Variants in BTD observed in about 807,000 individuals in gnomAD.
BTD encodes biotinidase, also known as biocytinase.
In BTD, 13 loss-of-function variants were observed where a neutral mutation model predicts 17.7. The ratio of observed to expected loss-of-function variants is 0.74; its 90% confidence interval spans 0.48 to 1.17. The LOEUF (loss-of-function observed/expected upper bound fraction) is 1.17, where lower values mean the gene tolerates loss of function less well. Among genes scored for constraint, BTD ranks in the 50% most tolerant of loss-of-function variants. BTD has a pLI of 0.00. For missense variants in BTD, 674 were observed against 650.4 expected (o/e 1.04, Z -0.39); for synonymous variants, 240 against 245.2 (o/e 0.98, Z 0.20).
intron 1 of BTD, among the ~76,000 whole-genome samples, chr3:15,604,447 G>T (rs1272394003): frequency 6.6e-6 from 1 of 152,244 alleles, no homozygotes; most frequent in Non-Finnish European, 1.5e-5. Flanking sequence ...CCTGACCCAT[G>T]AAACCATTTT....
At chr3:15,688,227 G>C (rs1652451823) in intron 3 of BTD, among the ~76,000 whole-genome samples, 1 of 152,144 alleles carries the variant, frequency 6.6e-6, no homozygotes, top group South Asian at 2.1e-4. Flanking sequence ...AATTTTTCTA[G>C]CTATAGATTA....
chr3:15,651,425 A>G lies in BTD; in HGVS notation c.*5937A>G, dbSNP rs2125527384. ...TAGGGGAACCCAGAAAGGATAATGC[A>G]CTACCCAGCGGCCAGCGACAGCAGG... On this transcript the variant is annotated 3_prime_UTR_variant, in exon 4 of 4. Coordinates refer to ENST00000643237, the MANE Select transcript of BTD (RefSeq NM_001370658.1). 6.6e-6 allele frequency among the ~76,000 whole-genome samples: 1 copy of G among 152,360 alleles called. No homozygotes were observed. The highest frequency in any genetic ancestry group is 2.1e-4 in the South Asian group (1 of 4,830).
chr3:15,674,174 C>CAAAAAA (rs34806568), intron 3 of BTD, among the ~76,000 whole-genome samples: 10,017 of 40,170 alleles, frequency 0.25, 2,739 homozygotes, highest in Admixed American at 0.31. Context: ...CCTGCCTCTT[C>CAAAAAA]AAAAAAAAAA....
At chr3:15,601,687 G>C, upstream of BTD, 1 of 1,556,298 alleles carries the variant, frequency 6.4e-7, no homozygotes, top group Non-Finnish European at 8.7e-7. Flanking sequence ...TCAGAACTGC[G>C]CTCTCTTCTC....
rs1255825580 is a variant in BTD at position 15,646,829 on chromosome 3, G to A, written c.*1341G>A. On this transcript the variant is annotated 3_prime_UTR_variant, in exon 4 of 4. Transcript: ENST00000643237. Reference sequence around the variant, plus strand: ...AATGATCTCCCTATTCCCCCACGGTGTAGGCCTCCAGATCCTTTTCTGGCT... The same window carrying A: ...AATGATCTCCCTATTCCCCCACGGTATAGGCCTCCAGATCCTTTTCTGGCT... 1 of 152,228 alleles carries A rather than the reference G, an allele frequency of 6.6e-6. No individual in the cohort carries two copies. The highest frequency in any genetic ancestry group is 1.5e-5 in the Non-Finnish European group (1 of 68,050). The allele number at this position is 152,228 out of a possible 1,614,324, so 9.4% of individuals were successfully genotyped here. A position where few individuals can be genotyped will look rare whatever the true frequency, so the allele number is the denominator to read the frequency against.
chr3:15,689,543 T>C (rs1042113186), intron 3 of BTD, among the ~76,000 whole-genome samples: 1 of 152,240 alleles, frequency 6.6e-6, no homozygotes, highest in African/African-American at 2.4e-5. Context: ...TTACATCTTT[T>C]GTGCAGAGGA....
chr3:15,711,948 G>A (rs193056875), exon 4 of BTD, among the ~76,000 whole-genome samples: 2 of 151,490 alleles, frequency 1.3e-5, no homozygotes, highest in African/African-American at 2.4e-5. Flanking sequence ...TGCCTGTCTC[G>A]GCCTCCCAAA....
intron 1 of BTD, among the ~76,000 whole-genome samples, chr3:15,624,487 C>A (rs756956916): frequency 6.6e-6 from 1 of 152,094 alleles, no homozygotes; most frequent in Non-Finnish European, 1.5e-5. Context: ...TCAGCCATGT[C>A]CAATCTACTA....
intron 4 of BTD, among the ~76,000 whole-genome samples, chr3:15,720,704 T>C (rs1342235436): frequency 2.0e-5 from 3 of 152,074 alleles, no homozygotes; most frequent in Non-Finnish European, 4.4e-5. Context: ...GAACCCCATA[T>C]AAATGGAATT....
chr3:15,714,603 G>C, downstream of BTD: 2 of 1,597,428 alleles, frequency 1.3e-6, no homozygotes, highest in Non-Finnish European at 8.5e-7. Flanking sequence ...TTTGTGATCG[G>C]GAGAATCTAC....
At chr3:15,671,492 C>T (rs557471700) in intron 3 of BTD, among the ~76,000 whole-genome samples, 7 of 152,122 alleles carry the variant, frequency 4.6e-5, no homozygotes, top group Non-Finnish European at 1.0e-4. Flanking sequence ...AGTCGTTACA[C>T]CTTTCTTCTT....
In BTD at chr3:15,711,200, T is replaced by C. The variant is rs368471964; in HGVS notation, c.*1126T>C. On this transcript the variant is annotated 3_prime_UTR_variant, in exon 4 of 4. Transcript: ENST00000672141. ...TCTTTTCTTAAAGAAATAAAAATAC[T>C]ATTAACATACCCTCCAGCTGCAGCT... 3.1e-6 allele frequency: 5 copies of C among 1,604,200 alleles called. No individual in the cohort carries two copies. In the African/African-American group the frequency reaches 5.4e-5, roughly 17 times the overall value.
At position 15,679,427 on chromosome 3, in the gene BTD, A is replaced by G. The variant is rs753779250; in HGVS notation, c.400-30633A>G. 14 of 1,612,512 alleles carry G rather than the reference A, an allele frequency of 8.7e-6. No homozygotes were observed. The African/African-American group carries it at 1.5e-4, about 17-fold the overall frequency. On this transcript the variant is annotated intron_variant, in intron 3 of 3. Transcript: ENST00000672141. ...GTGATCATTCTCACAGCAATGGTGTATTTCTTAAAACACTCAAACCAAATC... is the reference window on the plus strand; with the variant it reads ...GTGATCATTCTCACAGCAATGGTGTGTTTCTTAAAACACTCAAACCAAATC...
chr3:15,636,047 T>C (rs741747), intron 2 of BTD, among the ~76,000 whole-genome samples: 37,060 of 151,740 alleles, frequency 0.24, 7,305 homozygotes, highest in African/African-American at 0.52. Flanking sequence ...AATCACGAGG[T>C]AAGTGGTAAA....
upstream of BTD, chr3:15,601,505 A>C: frequency 1.2e-6 from 2 of 1,609,922 alleles, no homozygotes; most frequent in Non-Finnish European, 8.5e-7. Flanking sequence ...GCCGGCAAAC[A>C]AGCGGAATCA....
chr3:15,670,147 A>G (rs888121332), intron 3 of BTD: 7 of 1,110,774 alleles, frequency 6.3e-6, no homozygotes, highest in Middle Eastern at 2.8e-4. Context: ...CAGATCTCTT[A>G]ACATTGGCTC....
intron 3 of BTD, among the ~76,000 whole-genome samples, chr3:15,643,027 C>CAAA (rs200265982): frequency 1.8e-4 from 18 of 99,266 alleles, no homozygotes; most frequent in Admixed American, 7.5e-4. Flanking sequence ...AACTCTGCCT[C>CAAA]AAAAAAAAAA....
At chr3:15,669,195 T>C (rs1466659819) in intron 3 of BTD, 1 of 152,232 alleles carries the variant, frequency 6.6e-6, no homozygotes, top group Non-Finnish European at 1.5e-5. Context: ...GCTTAATTTA[T>C]GAACAACAAG....
At chr3:15,688,915 G>A (rs1437159934) in intron 3 of BTD, among the ~76,000 whole-genome samples, 1 of 152,188 alleles carries the variant, frequency 6.6e-6, no homozygotes, top group African/African-American at 2.4e-5. Flanking sequence ...AAGTCAAAAC[G>A]TGTATCACTT....
Sources: allele counts gnomAD v4.1 joint callset (sites outside exome capture counted in the v4.1 genomes callset), GRCh38; gene constraint gnomAD v4.1.1; transcripts MANE v1.5; gene names NCBI Gene and HGNC (gene_info 2026-07-23, HGNC 2026-07-21).